FBXL20: variants seen among roughly 807,000 people sequenced by gnomAD.
FBXL20 encodes the protein F-box/LRR-repeat protein 20.
FBXL20 carries 11 observed loss-of-function variants against 64.0 expected under a neutral mutation model. The ratio of observed to expected loss-of-function variants is 0.17; its 90% CI spans 0.11 to 0.28. The LOEUF (loss-of-function observed/expected upper bound fraction) is 0.28. Ranked by LOEUF, FBXL20 falls within the 10% of genes least tolerant of loss-of-function variation. The probability of loss-of-function intolerance (pLI) is 1.00; values close to 1 mark genes in which losing one functional copy is unlikely to be tolerated. For synonymous variants in FBXL20, 184 were observed against 189.0 expected (o/e 0.97, Z 0.22); for missense variants, 303 against 526.2 (o/e 0.58, Z 4.15).
intron 2 of FBXL20, among the ~76,000 whole-genome samples, chr17:39,328,656 C>T (rs187934637): frequency 9.2e-5 from 14 of 152,232 alleles, no homozygotes; most frequent in Admixed American, 8.5e-4. Flanking sequence ...GTGGAAGTAA[C>T]GGTAAATTTA....
At chr17:39,280,205 C>T (rs2046936247) in intron 9 of FBXL20, among the ~76,000 whole-genome samples, 1 of 141,438 alleles carries the variant, frequency 7.1e-6, no homozygotes, top group Non-Finnish European at 1.5e-5. Flanking sequence ...CTCTGCACTC[C>T]AGCCCAGGCA....
At chr17:39,345,438 T>C (rs8068102) in intron 1 of FBXL20, among the ~76,000 whole-genome samples, 6,886 of 152,182 alleles carry the variant, frequency 0.045, 521 homozygotes, top group African/African-American at 0.16. Context: ...ATGAAGATCC[T>C]GGTATCTCAT....
chr17:39,320,744 A>C (rs2047348019), intron 2 of FBXL20, among the ~76,000 whole-genome samples: 1 of 151,994 alleles, frequency 6.6e-6, no homozygotes. Context: ...ACAGGTAAAT[A>C]CAACCATATC....
intron 2 of FBXL20, among the ~76,000 whole-genome samples, chr17:39,306,080 T>G (rs1214637853): frequency 1.3e-5 from 2 of 151,988 alleles, no homozygotes; most frequent in African/African-American, 2.4e-5. Context: ...TAGGAGGATC[T>G]ATTGTGTTCA....
intron 6 of FBXL20, among the ~76,000 whole-genome samples, chr17:39,290,937 T>C (rs2047032167): frequency 6.6e-6 from 1 of 151,744 alleles, no homozygotes. Flanking sequence ...CAATCAACTT[T>C]TACTTTATAA....
At chr17:39,359,974 A>G (rs950309805) in intron 1 of FBXL20, among the ~76,000 whole-genome samples, 1 of 152,218 alleles carries the variant, frequency 6.6e-6, no homozygotes, top group Non-Finnish European at 1.5e-5. Flanking sequence ...AATTATTCAG[A>G]TAAAACATTA....
At chr17:39,356,651 C>T (rs1012718056) in intron 1 of FBXL20, among the ~76,000 whole-genome samples, 1 of 151,740 alleles carries the variant, frequency 6.6e-6, no homozygotes, top group African/African-American at 2.4e-5. Flanking sequence ...CCCCTGCGCT[C>T]GGCCTACATT....
intron 9 of FBXL20, among the ~76,000 whole-genome samples, chr17:39,277,721 T>G (rs1235968286): frequency 7.8e-6 from 1 of 128,620 alleles, no homozygotes; most frequent in Non-Finnish European, 1.5e-5. Context: ...GTCATTGCAC[T>G]CCAGCTTGGG....
chr17:39,394,403 G>A (rs2048163003), intron 1 of FBXL20, among the ~76,000 whole-genome samples: 1 of 150,770 alleles, frequency 6.6e-6, no homozygotes. Context: ...CTCCCGAGTA[G>A]CTGGGACTAC....
intron 10 of FBXL20, among the ~76,000 whole-genome samples, chr17:39,272,637 G>A (rs2046854679): frequency 6.7e-6 from 1 of 149,212 alleles, no homozygotes; most frequent in Non-Finnish European, 1.5e-5. Flanking sequence ...GGGAGGAGGA[G>A]GTTACAGTGA....
intron 10 of FBXL20, among the ~76,000 whole-genome samples, chr17:39,272,710 A>G (rs1332283360): frequency 2.0e-5 from 3 of 147,502 alleles, no homozygotes; most frequent in African/African-American, 7.9e-5. Context: ...TCAAAAAAAA[A>G]AAAAAAAAAA....
intron 1 of FBXL20, among the ~76,000 whole-genome samples, chr17:39,381,820 G>C (rs1398289604): frequency 6.6e-6 from 1 of 151,632 alleles, no homozygotes; most frequent in Non-Finnish European, 1.5e-5. Flanking sequence ...AAAAAGGCCG[G>C]GCACAGTGGC....
chr17:39,363,689 T>C (rs1175713432), intron 1 of FBXL20, among the ~76,000 whole-genome samples: 1 of 151,336 alleles, frequency 6.6e-6, no homozygotes, highest in Admixed American at 6.6e-5. Flanking sequence ...CACATGTCAA[T>C]AGTCCCAGCT....
chr17:39,315,933 C>T (rs1259866040), intron 2 of FBXL20, among the ~76,000 whole-genome samples: 1 of 146,284 alleles, frequency 6.8e-6, no homozygotes, highest in African/African-American at 2.5e-5. Flanking sequence ...ATACATTAAC[C>T]ATAATAAAGA....
At position 39,264,195 on chromosome 17, in the gene FBXL20, C is replaced by T; in HGVS notation, c.1183G>A (p.Ala395Thr). 1 of 1,614,202 alleles carries T rather than the reference C, an allele frequency of 6.2e-7. No individual in the cohort carries two copies. Among genetic ancestry groups the T allele is most frequent in the East Asian group, 2.2e-5 (1 of 44,884 alleles). Residue 395 changes from alanine to threonine, a missense_variant, in exon 14 of 15, where the codon GCT becomes ACT. This residue lies in a region of FBXL20 where 56 missense variants were observed against 86.0 expected (regional missense o/e 0.65). Coordinates refer to ENST00000264658, the MANE Select transcript of FBXL20 (RefSeq NM_032875.3). ...ELYDCQQITR[A>T]GIKRLRTHLP... ...TTTACCCTGAGTCTCTTGATTCCAG[C>T]CCGTGTGATTTGCTGGCAGTCATAG...
In FBXL20 at chr17:39,351,254, C is replaced by T. The variant is rs187714617; in HGVS notation, c.43-8013G>A. Reference sequence around the variant, plus strand: ...GGGAGGCTGAGGCAGGAGAATTGCTCGAAACCGGGAGGGGGAGGTTGCAGT... The same window carrying T: ...GGGAGGCTGAGGCAGGAGAATTGCTTGAAACCGGGAGGGGGAGGTTGCAGT... On this transcript the variant is annotated intron_variant, in intron 1 of 14. Coordinates refer to ENST00000264658, the MANE Select transcript of FBXL20 (RefSeq NM_032875.3). Among the ~76,000 whole-genome samples the T allele has an allele frequency of 2.1e-3, 318 of 149,226 alleles. 3 individuals carry two copies. Among genetic ancestry groups the T allele is most frequent in the African/African-American group, 7.4e-3 (298 of 40,384 alleles).
rs796758063 is a variant in FBXL20, at chr17:39,324,014, T to TCC, written c.104+19164_104+19165dup. Reference sequence around the variant, plus strand: ...CTCCTGACCTCGTGATCCAACCCCCTCCCCCCCCCACCCCCTGGCCTCCCA... The same window carrying TCC: ...CTCCTGACCTCGTGATCCAACCCCCTCCCCCCCCCCCACCCCCTGGCCTCCCA... On this transcript the variant is annotated intron_variant, in intron 2 of 14. Transcript: ENST00000264658. Among the ~76,000 whole-genome samples, 59 of 77,434 alleles carry TCC rather than the reference T, an allele frequency of 7.6e-4. 2 individuals carry two copies. Among genetic ancestry groups the TCC allele is most frequent in the African/African-American group, 3.6e-3 (57 of 15,700 alleles). 50.8% of individuals were successfully genotyped at this position (77,434 alleles called of 152,430 possible).
intron 1 of FBXL20, among the ~76,000 whole-genome samples, chr17:39,350,518 CA>C (rs5820287): frequency 0.072 from 7,293 of 101,738 alleles, 535 homozygotes; most frequent in African/African-American, 0.24. Flanking sequence ...AAAAAAGAAG[CA>C]AAAAAAAAAA....
chr17:39,362,818 C>T (rs2047811416), intron 1 of FBXL20, among the ~76,000 whole-genome samples: 1 of 150,246 alleles, frequency 6.7e-6, no homozygotes, highest in Admixed American at 6.7e-5. Context: ...GGAGTTATCA[C>T]CTTGTTGGCC....
Sources: gnomAD v4.1 joint callset for allele counts (sites outside exome capture counted in the v4.1 genomes callset) on GRCh38, gnomAD v4.1.1 for gene constraint, gnomAD v4.1.1 regional missense constraint, MANE v1.5 for transcripts, NCBI Gene and HGNC (gene_info 2026-07-23, HGNC 2026-07-21) for gene names.